The following DLGAP1 variants were observed in gnomAD, a reference collection of about 807,000 sequenced individuals.
The protein encoded by DLGAP1 is DLG associated protein 1.
Under a neutral mutation model 90.8 loss-of-function variants are expected in DLGAP1, and 11 were observed. That is an observed-to-expected ratio of 0.12 (90% confidence interval 0.08 to 0.20). The LOEUF is 0.20. Among genes scored for constraint, DLGAP1 ranks in the 10% least tolerant of loss-of-function variants. The pLI is 1.00. For synonymous variants in DLGAP1, 558 were observed against 540.7 expected, an observed-to-expected ratio of 1.03 and a Z score of -0.44; for missense variants, 1,050 against 1,333.8, an observed-to-expected ratio of 0.79 and a Z score of 3.31.
chr18:3,897,940 G>A (rs574321191), intron 3 of DLGAP1, among the ~76,000 whole-genome samples: 5 of 151,414 alleles, frequency 3.3e-5, no homozygotes, highest in Non-Finnish European at 5.9e-5. Context: ...GACTACAGGC[G>A]CCCGCCACCG....
intron 3 of DLGAP1, chr18:3,894,722 T>A (rs1000648820): frequency 2.0e-5 from 3 of 152,218 alleles, no homozygotes; most frequent in Admixed American, 1.3e-4. Context: ...GCTTCATGAA[T>A]TTGCATGTCA....
intron 7 of DLGAP1, among the ~76,000 whole-genome samples, chr18:3,713,455 A>G (rs1008296228): frequency 1.2e-4 from 19 of 152,190 alleles, no homozygotes; most frequent in Admixed American, 3.9e-4. Flanking sequence ...CATGTGGGGG[A>G]GGCTTCAGTC....
At chr18:3,898,013 C>G (rs1393545682) in intron 3 of DLGAP1, among the ~76,000 whole-genome samples, 53 of 151,892 alleles carry the variant, frequency 3.5e-4, no homozygotes. Context: ...CCAGGATGGT[C>G]TCGATCTCCT....
intron 5 of DLGAP1, among the ~76,000 whole-genome samples, chr18:3,761,863 A>G (rs1169548134): frequency 1.3e-5 from 2 of 152,156 alleles, no homozygotes; most frequent in Admixed American, 6.5e-5. Context: ...CGTGAGCCAC[A>G]GTGCCTGGTC....
intron 1 of DLGAP1, among the ~76,000 whole-genome samples, chr18:4,231,083 A>G (rs924677489): frequency 6.6e-6 from 1 of 152,110 alleles, no homozygotes; most frequent in African/African-American, 2.4e-5. Flanking sequence ...CCTACCAGGT[A>G]GTTTTTTTCC....
rs1197885744 is a variant in DLGAP1, at chr18:3,923,794, A to T, written c.-72-43654T>A. On this transcript the variant is annotated intron_variant, in intron 3 of 12. Coordinates refer to ENST00000315677, the MANE Select transcript of DLGAP1 (RefSeq NM_004746.4). ...CAGTAATCCTGTTGTTTTGGTATTA[A>T]CACATTTTTGAATAAATTTTTATCA... Among the ~76,000 whole-genome samples, 5 of 152,220 alleles carry T rather than the reference A, an allele frequency of 3.3e-5. No homozygotes were observed. In the East Asian group the frequency reaches 9.6e-4, roughly 29 times the overall value.
chr18:3,578,719 G>A (rs1045898069), intron 8 of DLGAP1, among the ~76,000 whole-genome samples: 27 of 151,618 alleles, frequency 1.8e-4, no homozygotes, highest in Admixed American at 1.8e-3. Context: ...TTAGACACTA[G>A]GTACAATCTT....
chr18:3,935,508 T>C (rs1423376657), intron 3 of DLGAP1, among the ~76,000 whole-genome samples: 3 of 152,202 alleles, frequency 2.0e-5, no homozygotes, highest in South Asian at 2.1e-4. Flanking sequence ...TTGCTGCTAA[T>C]AGAAGTATCA....
chr18:3,600,865 GATAT>G lies in DLGAP1; in HGVS notation c.1592-18621_1592-18618del, dbSNP rs1301251919. On this transcript the variant is annotated intron_variant, in intron 7 of 12. Coordinates refer to ENST00000315677, the MANE Select transcript of DLGAP1 (RefSeq NM_004746.4). Reference sequence around the variant, plus strand: ...ATATATAGATATATAGATATATATAGATATATAGATATATAGATAGATATATAGA... The same window carrying G: ...ATATATAGATATATAGATATATATAGATAGATATATAGATAGATATATAGA... Among the ~76,000 whole-genome samples, 15 of 16,478 alleles carry G rather than the reference GATAT, an allele frequency of 9.1e-4. 2 individuals are homozygous for G. Among genetic ancestry groups the G allele is most frequent in the African/African-American group, 5.9e-3 (14 of 2,390 alleles). The allele number at this position is 16,478 out of a possible 152,430, so 10.8% of individuals were successfully genotyped here.
chr18:4,125,806 T>G (rs1865396279), intron 2 of DLGAP1, among the ~76,000 whole-genome samples: 1 of 152,086 alleles, frequency 6.6e-6, no homozygotes, highest in African/African-American at 2.4e-5. Flanking sequence ...GGCCAGAGAT[T>G]TACTGTTTTT....
chr18:4,107,714 T>C (rs1367767197), intron 2 of DLGAP1, among the ~76,000 whole-genome samples: 1 of 152,200 alleles, frequency 6.6e-6, no homozygotes, highest in African/African-American at 2.4e-5. Context: ...ACGATAGAAA[T>C]GAATGTAATG....
At chr18:4,091,331 T>A (rs886173322) in intron 2 of DLGAP1, among the ~76,000 whole-genome samples, 4 of 152,256 alleles carry the variant, frequency 2.6e-5, no homozygotes, top group Non-Finnish European at 1.5e-5. Flanking sequence ...GCTATTTGAA[T>A]ATGGTGTGTA....
chr18:3,949,577 G>A (rs1043418123), intron 3 of DLGAP1, among the ~76,000 whole-genome samples: 1 of 152,140 alleles, frequency 6.6e-6, no homozygotes, highest in Non-Finnish European at 1.5e-5. Flanking sequence ...GACCCTGGCT[G>A]TTATATCCCC....
At chr18:3,535,457 C>T (rs182638689) in intron 9 of DLGAP1, among the ~76,000 whole-genome samples, 1 of 152,262 alleles carries the variant, frequency 6.6e-6, no homozygotes, top group African/African-American at 2.4e-5. Flanking sequence ...CCCGTAATCC[C>T]AGCACTTTGG....
intron 2 of DLGAP1, among the ~76,000 whole-genome samples, chr18:4,032,813 T>C (rs959428007): frequency 6.6e-6 from 1 of 152,202 alleles, no homozygotes; most frequent in Non-Finnish European, 1.5e-5. Context: ...TTGTTCTCAA[T>C]AGAGTGCAAA....
intron 5 of DLGAP1, among the ~76,000 whole-genome samples, chr18:3,767,662 G>A (rs1238868042): frequency 6.6e-6 from 1 of 151,848 alleles, no homozygotes; most frequent in Non-Finnish European, 1.5e-5. Context: ...AAGAGGCTAA[G>A]GAAAAAAATC....
At chr18:3,577,506 T>C (rs146650079) in intron 8 of DLGAP1, among the ~76,000 whole-genome samples, 1 of 152,330 alleles carries the variant, frequency 6.6e-6, no homozygotes, top group East Asian at 1.9e-4. Context: ...TGTCTTCTAC[T>C]ATGCGGTGGT....
At chr18:4,399,773 TGAA>T (rs764897105) in intron 1 of DLGAP1, among the ~76,000 whole-genome samples, 30 of 151,990 alleles carry the variant, frequency 2.0e-4, no homozygotes, top group Non-Finnish European at 3.8e-4. Flanking sequence ...TGGAAAAAAA[TGAA>T]GAAGAATATC....
intron 3 of DLGAP1, among the ~76,000 whole-genome samples, chr18:3,890,733 A>G (rs1187712957): frequency 6.6e-6 from 1 of 152,166 alleles, no homozygotes; most frequent in Non-Finnish European, 1.5e-5. Flanking sequence ...TTTGTATTAC[A>G]TTTTATTTTT....
Sources: gnomAD v4.1 joint callset for allele counts (sites outside exome capture counted in the v4.1 genomes callset) on GRCh38, gnomAD v4.1.1 for gene constraint, MANE v1.5 for transcripts, NCBI Gene and HGNC (gene_info 2026-07-23, HGNC 2026-07-21) for gene names.